The following ADCK1 variants were observed in gnomAD, a reference collection of about 807,000 sequenced individuals.
ADCK1 encodes aarF domain-containing protein kinase 1.
Under a neutral mutation model 52.3 loss-of-function variants are expected in ADCK1, and 41 were observed. The ratio of observed to expected loss-of-function variants is 0.78; its 90% CI spans 0.61 to 1.02. The LOEUF is 1.02. Among genes scored for constraint, ADCK1 ranks in the 50% least tolerant of loss-of-function variants. The probability of loss-of-function intolerance (pLI) is 0.00; values close to 1 mark genes in which losing one functional copy is unlikely to be tolerated. For missense variants in ADCK1, 658 were observed against 679.5 expected (o/e 0.97, Z 0.35); for synonymous variants, 250 against 274.6 (o/e 0.91, Z 0.89).
At chr14:77,831,397 C>T (rs945584269) in intron 3 of ADCK1, among the ~76,000 whole-genome samples, 8 of 152,108 alleles carry the variant, frequency 5.3e-5, no homozygotes, top group African/African-American at 1.9e-4. Context: ...TCCTGTAGTA[C>T]TGATTGTGGG....
chr14:77,852,672 T>TA (rs2082317185), intron 3 of ADCK1, among the ~76,000 whole-genome samples: 1 of 13,648 alleles, frequency 7.3e-5, no homozygotes, highest in African/African-American at 1.7e-4. Flanking sequence ...TATATATATA[T>TA]ATATATATAT....
At chr14:77,904,535 G>A (rs1214474983) in intron 6 of ADCK1, among the ~76,000 whole-genome samples, 1 of 152,272 alleles carries the variant, frequency 6.6e-6, no homozygotes, top group African/African-American at 2.4e-5. Flanking sequence ...GGCGCAGCCT[G>A]TTTCGTGGGC....
chr14:77,860,415 C>G (rs952286059), intron 4 of ADCK1, among the ~76,000 whole-genome samples: 1 of 152,190 alleles, frequency 6.6e-6, no homozygotes, highest in Admixed American at 6.5e-5. Context: ...ACCAGTGGTT[C>G]CCTTTTTACA....
intron 3 of ADCK1, among the ~76,000 whole-genome samples, chr14:77,839,408 G>A (rs1168244335): frequency 6.6e-6 from 1 of 152,152 alleles, no homozygotes; most frequent in Non-Finnish European, 1.5e-5. Context: ...CTGTGTGCTG[G>A]GGCGAGCTCA....
In ADCK1 at chr14:77,910,521, C is replaced by T. The variant is rs190671278; in HGVS notation, c.858+2602C>T. Among the ~76,000 whole-genome samples, 162 of 152,256 alleles carry T rather than the reference C, an allele frequency of 1.1e-3. 2 individuals are homozygous for T. Among genetic ancestry groups the T allele is most frequent in the Non-Finnish European group, 1.2e-3 (84 of 68,020 alleles). ...GGCCTTAAAGGGAAACAGGGTCTGT[C>T]GCCTGCTGATCAGGAAATATCCCAG... is the stretch of plus-strand genomic sequence containing the variant. On this transcript the variant is annotated intron_variant, in intron 7 of 10. Transcript: ENST00000238561.
chr14:77,833,732 G>A (rs9323655), intron 3 of ADCK1, among the ~76,000 whole-genome samples: 10,246 of 152,148 alleles, frequency 0.067, 383 homozygotes, highest in Middle Eastern at 0.12. Flanking sequence ...TGGGAGTCCT[G>A]GGGGTTAATG....
Position 77,859,094 on chromosome 14 carries a change from A to G in ADCK1, c.238A>G (p.Arg80Gly). The G allele has an allele frequency of 6.2e-7, 1 of 1,607,650 alleles. No homozygotes were observed. Among genetic ancestry groups the G allele is most frequent in the Non-Finnish European group, 8.5e-7 (1 of 1,177,134 alleles). ...CCTGCAGGTGCACCTTCGCTCTGCC[A>G]GGCGTCTCTGTGAGCTCTGCTGTGC... ...LRSKVHLRSA[R>G]RLCELCCANR... The change falls in exon 4 of 11, where the codon AGG becomes GGG. Residue 80 changes from arginine to glycine, a missense_variant. By Grantham distance (125) the Arg-to-Gly change is moderately radical. Coordinates refer to ENST00000238561, the MANE Select transcript of ADCK1 (RefSeq NM_020421.4).
chr14:77,900,327 C>T (rs1322028845), intron 6 of ADCK1, among the ~76,000 whole-genome samples: 1 of 151,994 alleles, frequency 6.6e-6, no homozygotes, highest in Non-Finnish European at 1.5e-5. Context: ...TGGCTGATGG[C>T]AGTAATCGCA....
intron 3 of ADCK1, 88 bp from the exon 4 acceptor site, chr14:77,858,988 T>G: frequency 7.7e-7 from 1 of 1,294,228 alleles, no homozygotes; most frequent in Non-Finnish European, 1.1e-6. Context: ...TAATGAGGGT[T>G]TTCAAGCAGA....
chr14:77,931,534 A>G lies in ADCK1; in HGVS notation c.1223A>G (p.Asn408Ser). ...CTGCTTCAGGACTTAGAGATTCGCA[A>G]CAACGCGGCCAACTACCTCCCCCAG... ...VTATEDLEIRNNAANYLPQIS... is the reference protein window; with the variant it reads ...VTATEDLEIRSNAANYLPQIS... The change falls in exon 10 of 11, where the codon AAC becomes AGC. Residue 408 changes from asparagine to serine, a missense_variant. By Grantham distance (46) the Asn-to-Ser change is conservative. Coordinates refer to ENST00000238561, the MANE Select transcript of ADCK1 (RefSeq NM_020421.4). 1 of 1,613,734 alleles carries G rather than the reference A, an allele frequency of 6.2e-7. No homozygotes were observed. The highest frequency in any genetic ancestry group is 8.5e-7 in the Non-Finnish European group (1 of 1,179,732).
intron 4 of ADCK1, among the ~76,000 whole-genome samples, chr14:77,873,781 G>T (rs2082838463): frequency 6.6e-6 from 1 of 152,178 alleles, no homozygotes; most frequent in African/African-American, 2.4e-5. Flanking sequence ...TTCCCCTTCT[G>T]CCACAATTGT....
intron 4 of ADCK1, among the ~76,000 whole-genome samples, chr14:77,868,370 C>G (rs2082706043): frequency 1.3e-5 from 2 of 152,214 alleles, no homozygotes; most frequent in South Asian, 4.1e-4. Flanking sequence ...GAGGGCAGCA[C>G]TCAATCGAGC....
intron 7 of ADCK1, among the ~76,000 whole-genome samples, chr14:77,915,563 T>C (rs1356415351): frequency 1.3e-5 from 2 of 152,120 alleles, no homozygotes; most frequent in African/African-American, 2.4e-5. Flanking sequence ...ATATACACCA[T>C]GGAATACTAT....
chr14:77,824,048 G>A (rs1022293237), intron 3 of ADCK1, among the ~76,000 whole-genome samples: 3 of 151,908 alleles, frequency 2.0e-5, no homozygotes, highest in African/African-American at 7.3e-5. Flanking sequence ...ACAGGTGCAG[G>A]CCACCACGCC....
At chr14:77,812,297 C>T (rs1206371491) in intron 1 of ADCK1, among the ~76,000 whole-genome samples, 4 of 152,174 alleles carry the variant, frequency 2.6e-5, no homozygotes, top group Admixed American at 2.0e-4. Context: ...TCCCTCCAAC[C>T]CCCAGCCCCT....
intron 3 of ADCK1, among the ~76,000 whole-genome samples, chr14:77,843,799 G>A (rs1278151418): frequency 6.6e-6 from 1 of 152,044 alleles, no homozygotes; most frequent in Non-Finnish European, 1.5e-5. Context: ...AATTCCTTTC[G>A]CTTAAACTCT....
At chr14:77,852,662 T>TAAATATATATATATA (rs1374417660) in intron 3 of ADCK1, among the ~76,000 whole-genome samples, 2 of 19,414 alleles carry the variant, frequency 1.0e-4, no homozygotes, top group South Asian at 3.4e-3. Flanking sequence ...AATAAATAAA[T>TAAATATATATATATA]ATATATATAT....
At chr14:77,932,103 C>T (rs1595112923) in intron 10 of ADCK1, among the ~76,000 whole-genome samples, 1 of 152,104 alleles carries the variant, frequency 6.6e-6, no homozygotes, top group Non-Finnish European at 1.5e-5. Context: ...GGCTGGAGTA[C>T]AGTGGTGTGA....
At chr14:77,924,321 C>T (rs2084132321) in intron 7 of ADCK1, 136 bp from the exon 8 acceptor site, 1 of 1,101,626 alleles carries the variant, frequency 9.1e-7, no homozygotes, top group African/African-American at 1.6e-5. Flanking sequence ...CAAACAATCA[C>T]TCCCACCACA....
Sources: allele counts gnomAD v4.1 joint callset (sites outside exome capture counted in the v4.1 genomes callset), GRCh38; gene constraint gnomAD v4.1.1; transcripts MANE v1.5; gene names NCBI Gene and HGNC (gene_info 2026-07-23, HGNC 2026-07-21).